Variants in CTNNA2 observed in about 807,000 individuals in gnomAD.
CTNNA2 encodes catenin alpha-2.
Under a neutral mutation model 101.0 loss-of-function variants are expected in CTNNA2, and 42 were observed. That is an observed-to-expected ratio of 0.42 (90% confidence interval 0.32 to 0.54). The LOEUF (loss-of-function observed/expected upper bound fraction) is 0.54, where lower values mean the gene tolerates loss of function less well. Ranked by LOEUF, CTNNA2 falls within the 20% of genes least tolerant of loss-of-function variation. The pLI, the probability that CTNNA2 is intolerant of heterozygous loss-of-function variation, is 0.14. For synonymous variants in CTNNA2, 450 were observed against 456.4 expected, an observed-to-expected ratio of 0.99 and a Z score of 0.18; for missense variants, 871 against 1,223.1, an observed-to-expected ratio of 0.71 and a Z score of 4.29.
In CTNNA2 at chr2:80,550,733, T is replaced by G. The variant is rs142269115; in HGVS notation, c.1540+4670T>G. On this transcript the variant is annotated intron_variant, in intron 11 of 18. Coordinates refer to ENST00000402739, the MANE Select transcript of CTNNA2 (RefSeq NM_001282597.3). Reference sequence around the variant, plus strand: ...CACATCTTTAGGCTCCACTTCTAATTCTAGTTCTCTTGCTATTTCCACTAG... The same window carrying G: ...CACATCTTTAGGCTCCACTTCTAATGCTAGTTCTCTTGCTATTTCCACTAG... Among the ~76,000 whole-genome samples the G allele has an allele frequency of 4.4e-3, 667 of 152,324 alleles. 7 individuals carry two copies. The highest frequency in any genetic ancestry group is 0.014 in the South Asian group (67 of 4,830).
At chr2:80,474,304 G>T (rs1329098693) in intron 9 of CTNNA2, among the ~76,000 whole-genome samples, 1 of 152,176 alleles carries the variant, frequency 6.6e-6, no homozygotes, top group Non-Finnish European at 1.5e-5. Context: ...AGATTTTGCT[G>T]CTTTGCCCTG....
At chr2:79,528,314 C>T (rs750381099) in intron 1 of CTNNA2, among the ~76,000 whole-genome samples, 2 of 151,908 alleles carry the variant, frequency 1.3e-5, no homozygotes, top group African/African-American at 2.4e-5. Context: ...TAGACACACA[C>T]GATCCTCTCC....
chr2:80,314,814 C>T (rs967519152), intron 7 of CTNNA2, among the ~76,000 whole-genome samples: 3 of 152,206 alleles, frequency 2.0e-5, no homozygotes, highest in Non-Finnish European at 2.9e-5. Flanking sequence ...CTTCCTCAAA[C>T]ATGGAACAAG....
chr2:80,308,001 C>T (rs546968541), intron 7 of CTNNA2, among the ~76,000 whole-genome samples: 8 of 152,292 alleles, frequency 5.3e-5, no homozygotes, highest in Admixed American at 2.0e-4. Context: ...GGAGCAAATT[C>T]GTTGTAGTTA....
At chr2:80,634,599 T>C (rs560727967) in intron 18 of CTNNA2, among the ~76,000 whole-genome samples, 10 of 152,116 alleles carry the variant, frequency 6.6e-5, no homozygotes, top group Non-Finnish European at 1.3e-4. Context: ...ATAAGTGATA[T>C]TGAGTTCATG....
At chr2:79,250,396 TA>T (rs1424270602) in intron 2 of CTNNA2, among the ~76,000 whole-genome samples, 1 of 152,174 alleles carries the variant, frequency 6.6e-6, no homozygotes, top group Non-Finnish European at 1.5e-5. Context: ...GACTCATAAC[TA>T]TACTGCTCCA....
At chr2:79,955,955 AT>A (rs1469419735) in intron 7 of CTNNA2, among the ~76,000 whole-genome samples, 1 of 152,236 alleles carries the variant, frequency 6.6e-6, no homozygotes, top group East Asian at 1.9e-4. Context: ...CAGGTTTCTG[AT>A]AAGAAGTAAA....
chr2:79,754,758 G>A (rs1312061160), intron 3 of CTNNA2, among the ~76,000 whole-genome samples: 1 of 152,068 alleles, frequency 6.6e-6, no homozygotes, highest in Non-Finnish European at 1.5e-5. Context: ...CTGCCTGACT[G>A]CCTCTGTATG....
chr2:79,749,148 C>T (rs1671839070), intron 3 of CTNNA2, among the ~76,000 whole-genome samples: 1 of 152,118 alleles, frequency 6.6e-6, no homozygotes, highest in Non-Finnish European at 1.5e-5. Context: ...CCCCTCTACA[C>T]CCCATGTTCC....
At chr2:79,573,759 A>G (rs1023943716) in intron 1 of CTNNA2, 2 of 152,310 alleles carry the variant, frequency 1.3e-5, no homozygotes, top group Non-Finnish European at 2.9e-5. Context: ...TCTTCATTTC[A>G]TGGAAATTAA....
At chr2:79,195,247 G>T (rs1249786473) in intron 1 of CTNNA2, among the ~76,000 whole-genome samples, 2 of 152,050 alleles carry the variant, frequency 1.3e-5, no homozygotes, top group Admixed American at 1.3e-4. Context: ...TTAGTTAATT[G>T]CTCCCTCTAC....
At chr2:80,521,824 C>T (rs138421376) in intron 9 of CTNNA2, among the ~76,000 whole-genome samples, 82 of 152,260 alleles carry the variant, frequency 5.4e-4, no homozygotes, top group Middle Eastern at 6.8e-3. Flanking sequence ...TGTCTGAAGC[C>T]ATTAAAGTTG....
At chr2:80,502,591 G>A (rs1377356223) in intron 9 of CTNNA2, among the ~76,000 whole-genome samples, 1 of 152,176 alleles carries the variant, frequency 6.6e-6, no homozygotes, top group African/African-American at 2.4e-5. Flanking sequence ...CCTCAAAGCT[G>A]GTTTTACTTT....
intron 7 of CTNNA2, among the ~76,000 whole-genome samples, chr2:80,132,120 A>G (rs1312003011): frequency 6.6e-6 from 1 of 151,996 alleles, no homozygotes; most frequent in Non-Finnish European, 1.5e-5. Context: ...GTGCAGTTTA[A>G]TTTTCTGCTT....
chr2:79,767,498 G>T (rs184673351), intron 3 of CTNNA2, among the ~76,000 whole-genome samples: 6 of 152,030 alleles, frequency 3.9e-5, no homozygotes, highest in African/African-American at 1.4e-4. Flanking sequence ...TCTTGGGAAG[G>T]CTTTCCAGAT....
At chr2:80,512,570 C>A (rs891924355) in intron 9 of CTNNA2, among the ~76,000 whole-genome samples, 3 of 152,164 alleles carry the variant, frequency 2.0e-5, no homozygotes, top group South Asian at 4.2e-4. Flanking sequence ...CTCAGGTTAA[C>A]GTTTAAAATT....
chr2:80,529,580 A>G lies in CTNNA2; in HGVS notation c.1291-15402A>G, dbSNP rs1690346291. Among the ~76,000 whole-genome samples the G allele has an allele frequency of 2.6e-5, 4 of 152,236 alleles. No homozygotes were observed. In the South Asian group the frequency reaches 8.3e-4, roughly 32 times the overall value. On this transcript the variant is annotated intron_variant, in intron 9 of 18. Coordinates refer to ENST00000402739, the MANE Select transcript of CTNNA2 (RefSeq NM_001282597.3). ...TCTCTAGGTGCACCTGAAAAATATT[A>G]TTGGTGTTCACACAATGAGTATGCT... is the stretch of plus-strand genomic sequence containing the variant.
chr2:79,931,697 A>G (rs1687454489), intron 7 of CTNNA2, among the ~76,000 whole-genome samples: 1 of 152,210 alleles, frequency 6.6e-6, no homozygotes, highest in Admixed American at 6.5e-5. Context: ...TTCATCCCAG[A>G]TAGTCTGGGA....
intron 9 of CTNNA2, among the ~76,000 whole-genome samples, chr2:80,444,503 C>T (rs929164001): frequency 1.3e-5 from 2 of 152,132 alleles, no homozygotes; most frequent in Admixed American, 6.6e-5. Flanking sequence ...CCAGATAACC[C>T]TTTCTCCTGG....
Sources: allele counts gnomAD v4.1 joint callset (sites outside exome capture counted in the v4.1 genomes callset), GRCh38; gene constraint gnomAD v4.1.1; transcripts MANE v1.5; gene names NCBI Gene and HGNC (gene_info 2026-07-23, HGNC 2026-07-21).